TBC1D22A: variants seen among roughly 807,000 people sequenced by gnomAD.
TBC1D22A encodes TBC1 domain family member 22A.
Under a neutral mutation model 60.2 loss-of-function variants are expected in TBC1D22A, and 38 were observed. The ratio of observed to expected loss-of-function variants is 0.63; its 90% CI spans 0.49 to 0.83. The LOEUF (loss-of-function observed/expected upper bound fraction) is 0.83, where lower values mean the gene tolerates loss of function less well. Ranked by LOEUF, TBC1D22A falls within the 40% of genes least tolerant of loss-of-function variation. TBC1D22A has a pLI of 0.00. For missense variants in TBC1D22A, 628 were observed against 701.0 expected (o/e 0.90, Z 1.18); for synonymous variants, 302 against 281.7 (o/e 1.07, Z -0.72).
chr22:46,815,340 G>A (rs748858037), intron 4 of TBC1D22A, among the ~76,000 whole-genome samples: 2 of 152,152 alleles, frequency 1.3e-5, no homozygotes, highest in East Asian at 1.9e-4. Context: ...TTTGATAGCC[G>A]CTGTTGACTT....
At chr22:46,927,196 A>G (rs1010043767) in intron 8 of TBC1D22A, among the ~76,000 whole-genome samples, 2 of 152,234 alleles carry the variant, frequency 1.3e-5, no homozygotes, top group Non-Finnish European at 2.9e-5. Context: ...TGGACTTAAA[A>G]ATCCTCAGCA....
intron 11 of TBC1D22A, among the ~76,000 whole-genome samples, chr22:47,106,050 A>G (rs544035239): frequency 2.6e-5 from 4 of 152,364 alleles, no homozygotes; most frequent in African/African-American, 9.6e-5. Context: ...TTCAAATGTA[A>G]TAGATAAGTG....
intron 5 of TBC1D22A, among the ~76,000 whole-genome samples, 157 bp from the exon 6 acceptor site, chr22:46,891,109 G>A (rs754667756): frequency 6.6e-6 from 1 of 152,068 alleles, no homozygotes; most frequent in South Asian, 2.1e-4. Context: ...CCTCCTCTGT[G>A]TGTGTTTCTT....
At chr22:46,906,958 CTG>C (rs1294434038) in intron 7 of TBC1D22A, among the ~76,000 whole-genome samples, 1 of 152,040 alleles carries the variant, frequency 6.6e-6, no homozygotes, top group Admixed American at 6.6e-5. Context: ...GAGCTTTTCT[CTG>C]TGTGTGTAGA....
At chr22:47,056,234 CT>C (rs1160934133) in intron 11 of TBC1D22A, among the ~76,000 whole-genome samples, 1 of 152,130 alleles carries the variant, frequency 6.6e-6, no homozygotes, top group South Asian at 2.1e-4. Context: ...GACTGCTCGC[CT>C]TCCTCCGCAT....
chr22:47,014,541 G>A (rs911456716), intron 10 of TBC1D22A, among the ~76,000 whole-genome samples: 35 of 152,204 alleles, frequency 2.3e-4, no homozygotes, highest in Non-Finnish European at 4.9e-4. Flanking sequence ...CTCACTGCTC[G>A]TTAAGCCTAC....
At chr22:46,902,385 C>T (rs1377553021) in intron 7 of TBC1D22A, among the ~76,000 whole-genome samples, 1 of 152,162 alleles carries the variant, frequency 6.6e-6, no homozygotes, top group African/African-American at 2.4e-5. Context: ...TTAATGAATT[C>T]CCACTCTCTA....
At chr22:47,039,112 G>A (rs1286114739) in intron 11 of TBC1D22A, among the ~76,000 whole-genome samples, 3 of 152,080 alleles carry the variant, frequency 2.0e-5, no homozygotes, top group Non-Finnish European at 4.4e-5. Context: ...AAAATGGATC[G>A]GCTTGCCCAT....
At chr22:46,926,088 G>A (rs1299132437) in intron 8 of TBC1D22A, among the ~76,000 whole-genome samples, 2 of 152,156 alleles carry the variant, frequency 1.3e-5, no homozygotes, top group Admixed American at 6.5e-5. Context: ...AGAAGAAATC[G>A]TAAGGGAAAT....
At chr22:47,172,804 G>GCA (rs2068537363) in intron 12 of TBC1D22A, among the ~76,000 whole-genome samples, 2 of 152,230 alleles carry the variant, frequency 1.3e-5, no homozygotes, top group Non-Finnish European at 2.9e-5. Flanking sequence ...TGGGTTTGGT[G>GCA]GAGCCCTGCA....
At chr22:47,104,871 G>A (rs893427047) in intron 11 of TBC1D22A, among the ~76,000 whole-genome samples, 2 of 152,106 alleles carry the variant, frequency 1.3e-5, no homozygotes, top group African/African-American at 4.8e-5. Context: ...ACTAGAACAT[G>A]TATAAATTCA....
At chr22:47,025,978 G>A (rs1314994251) in intron 10 of TBC1D22A, among the ~76,000 whole-genome samples, 4 of 152,214 alleles carry the variant, frequency 2.6e-5, no homozygotes, top group Non-Finnish European at 5.9e-5. Context: ...TATCCATCAT[G>A]AGCATAAATG....
intron 11 of TBC1D22A, among the ~76,000 whole-genome samples, chr22:47,042,086 T>C (rs1011778122): frequency 1.3e-5 from 2 of 152,384 alleles, no homozygotes; most frequent in African/African-American, 4.8e-5. Context: ...AGAGTTTTTA[T>C]AGAAGATGGA....
At chr22:47,112,231 G>C (rs1200314740) in intron 12 of TBC1D22A, among the ~76,000 whole-genome samples, 2 of 152,236 alleles carry the variant, frequency 1.3e-5, no homozygotes. Flanking sequence ...ACTGTGGACT[G>C]TTGGCCCCTT....
chr22:47,045,715 A>G (rs768019232), intron 11 of TBC1D22A, among the ~76,000 whole-genome samples: 1 of 152,162 alleles, frequency 6.6e-6, no homozygotes, highest in Non-Finnish European at 1.5e-5. Flanking sequence ...AGAACAGTCA[A>G]TAAAAAAGAA....
intron 11 of TBC1D22A, among the ~76,000 whole-genome samples, chr22:47,062,150 T>C (rs528390275): frequency 4.0e-5 from 6 of 149,326 alleles, no homozygotes; most frequent in African/African-American, 1.5e-4. Flanking sequence ...TTTGTTGCTG[T>C]CAGTCAGAAC....
rs1348925103 is a variant in TBC1D22A at position 46,891,257 on chromosome 22, C to T, written c.709-9C>T. The T allele has an allele frequency of 6.3e-6, 10 of 1,593,178 alleles. No homozygotes were observed. The highest frequency in any genetic ancestry group is 5.5e-5 in the Admixed American group (3 of 54,096). On this transcript the variant is annotated splice_polypyrimidine_tract_variant and intron_variant, in intron 5 of 12. Transcript: ENST00000337137. ...AACCATGTATATTTTTTGTTTATTT[C>T]TCACCCAGGGTTACCTTCCCGCCAA... is the stretch of plus-strand genomic sequence containing the variant.
intron 4 of TBC1D22A, among the ~76,000 whole-genome samples, chr22:46,847,944 TGTGTGTGTGTGC>T (rs1412627171): frequency 1.3e-3 from 160 of 125,508 alleles, no homozygotes; most frequent in African/African-American, 4.7e-3. Flanking sequence ...TGTGTGTGTG[TGTGTGTGTGTGC>T]GCGCGCGCAC....
chr22:46,926,438 C>T (rs2071053100), intron 8 of TBC1D22A, among the ~76,000 whole-genome samples: 1 of 152,120 alleles, frequency 6.6e-6, no homozygotes. Flanking sequence ...CTCTACAAAC[C>T]AGGCAGTGTA....
Sources: gnomAD v4.1 joint callset for allele counts (sites outside exome capture counted in the v4.1 genomes callset) on GRCh38, gnomAD v4.1.1 for gene constraint, MANE v1.5 for transcripts, NCBI Gene and HGNC (gene_info 2026-07-23, HGNC 2026-07-21) for gene names.